Variants in FAM53B observed in about 807,000 individuals in gnomAD.
FAM53B encodes family with sequence similarity 53 member B.
A neutral mutation model predicts 32.7 loss-of-function variants in FAM53B; 12 were observed. The ratio of observed to expected loss-of-function variants is 0.37; its 90% confidence interval spans 0.24 to 0.59. FAM53B has a LOEUF of 0.59. FAM53B is among the 20% of genes least tolerant of loss of function. The probability of loss-of-function intolerance (pLI) is 0.72; values close to 1 mark genes in which losing one functional copy is unlikely to be tolerated. For synonymous variants in FAM53B, 234 were observed against 228.7 expected (o/e 1.02, Z -0.21); for missense variants, 477 against 577.7 (o/e 0.83, Z 1.79).
At chr10:124,743,356 T>G (rs1950211278) in intron 1 of FAM53B, among the ~76,000 whole-genome samples, 1 of 152,180 alleles carries the variant, frequency 6.6e-6, no homozygotes, top group Non-Finnish European at 1.5e-5. Context: ...TCTCGCCATG[T>G]GCAAAAGCCA....
intron 2 of FAM53B, among the ~76,000 whole-genome samples, chr10:124,700,341 A>C (rs1393222080): frequency 6.6e-6 from 1 of 152,220 alleles, no homozygotes; most frequent in Non-Finnish European, 1.5e-5. Flanking sequence ...CACAGTGGGA[A>C]GAATGAGCCA....
chr10:124,631,645 A>G (rs1949391913), intron 4 of FAM53B, among the ~76,000 whole-genome samples: 1 of 152,140 alleles, frequency 6.6e-6, no homozygotes, highest in African/African-American at 2.4e-5. Flanking sequence ...GCCTTTCCCA[A>G]GGCCCCTCTT....
intron 2 of FAM53B, among the ~76,000 whole-genome samples, chr10:124,697,858 T>A (rs1949884712): frequency 6.6e-6 from 1 of 152,020 alleles, no homozygotes; most frequent in South Asian, 2.1e-4. Context: ...GATGTAACCA[T>A]CCCCTCTACC....
intron 4 of FAM53B, among the ~76,000 whole-genome samples, chr10:124,626,429 C>T (rs1338243237): frequency 3.1e-5 from 4 of 128,838 alleles, no homozygotes; most frequent in African/African-American, 8.3e-5. Flanking sequence ...AAAGGTGGGG[C>T]CTCTGGGAGG....
Position 124,682,306 on chromosome 10 carries a change from T to C in FAM53B, c.207A>G (p.Glu69=), listed in dbSNP as rs1315153084. The change falls in exon 4 of 5, where the codon GAA becomes GAG. Residue 69 remains glutamate, a synonymous_variant. Coordinates refer to ENST00000337318, the MANE Select transcript of FAM53B (RefSeq NM_014661.4). The surrounding 1 kb of genome is among the most constrained non-coding windows in gnomAD (Gnocchi z 5.2). ...GTGAGCTGTCCTTTTCAGGCAGGCA[T>C]TCCCAGATGCTGGTGCTCGGTTGGT... ...QIDQPSTSIW[E]CLPEKDSSLW... The C allele has an allele frequency of 9.9e-6, 16 of 1,613,806 alleles. No homozygotes were observed. The highest frequency in any genetic ancestry group is 1.3e-5 in the African/African-American group (1 of 74,890).
intron 1 of FAM53B, among the ~76,000 whole-genome samples, chr10:124,715,971 C>T (rs1042026898): frequency 6.6e-6 from 1 of 152,222 alleles, no homozygotes; most frequent in Non-Finnish European, 1.5e-5. Flanking sequence ...TTCACAGCTA[C>T]AGCATTAGCT....
intron 4 of FAM53B, among the ~76,000 whole-genome samples, chr10:124,657,167 TATATATGTAC>T (rs1310543527): frequency 0.037 from 1,002 of 26,780 alleles, 5 homozygotes; most frequent in East Asian, 0.12. Flanking sequence ...TGTGTGTATA[TATATATGTAC>T]ATATATATAT....
intron 4 of FAM53B, among the ~76,000 whole-genome samples, chr10:124,637,416 C>T (rs942820722): frequency 3.3e-5 from 5 of 152,198 alleles, no homozygotes; most frequent in Admixed American, 6.5e-5. Flanking sequence ...GCTTGAGCCC[C>T]GGGTGTCCCT....
At chr10:124,699,556 C>T (rs1949899947) in intron 2 of FAM53B, among the ~76,000 whole-genome samples, 2 of 152,238 alleles carry the variant, frequency 1.3e-5, no homozygotes, top group African/African-American at 4.8e-5. Flanking sequence ...CTCCATTTCC[C>T]CACCCCGGGC....
rs934972708 is a variant in FAM53B, at chr10:124,731,580, T to TC, written c.-175+12432_-175+12433insG. 4.8e-4 allele frequency among the ~76,000 whole-genome samples: 73 copies of TC among 151,690 alleles called. 1 individual carries two copies. The highest frequency in any genetic ancestry group is 1.5e-3 in the Admixed American group (23 of 15,250). On this transcript the variant is annotated intron_variant, in intron 1 of 4. Transcript: ENST00000337318. Reference sequence around the variant, plus strand: ...TATTAAGACACACAAAATCAACCTTTTTTTTTTTTTTAAGGAATCTAAGAC... The same window carrying TC: ...TATTAAGACACACAAAATCAACCTTTCTTTTTTTTTTTAAGGAATCTAAGAC...
At chr10:124,676,359 T>C (rs1275758670) in intron 4 of FAM53B, among the ~76,000 whole-genome samples, 1 of 152,060 alleles carries the variant, frequency 6.6e-6, no homozygotes, top group East Asian at 1.9e-4. Context: ...AGAGGAAGGG[T>C]GCTGAGGGTG....
intron 4 of FAM53B, among the ~76,000 whole-genome samples, chr10:124,632,079 G>A (rs139178636): frequency 1.3e-5 from 2 of 152,332 alleles, no homozygotes; most frequent in East Asian, 3.9e-4. Flanking sequence ...CCGTGGGTAA[G>A]AACAGACCTT....
intron 4 of FAM53B, among the ~76,000 whole-genome samples, chr10:124,655,833 A>G (rs1949586108): frequency 6.6e-6 from 1 of 152,134 alleles, no homozygotes; most frequent in Non-Finnish European, 1.5e-5. Context: ...ACTTTGTCCA[A>G]CACAATCTGC....
chr10:124,628,184 G>A lies in FAM53B; in HGVS notation c.907-4580C>T, dbSNP rs202177102. Among the ~76,000 whole-genome samples the A allele has an allele frequency of 4.6e-5, 7 of 152,294 alleles. No individual in the cohort carries two copies. In the East Asian group the frequency reaches 1.4e-3, roughly 29 times the overall value. On this transcript the variant is annotated intron_variant, in intron 4 of 4. Coordinates refer to ENST00000337318, the MANE Select transcript of FAM53B (RefSeq NM_014661.4). ...TCAGTAGTGACCCAGAACCCACTCT[G>A]GGCTCCGAAGGGCAAGGCCTGGGGA...
chr10:124,674,396 A>G (rs1949725055), intron 4 of FAM53B, among the ~76,000 whole-genome samples: 1 of 152,194 alleles, frequency 6.6e-6, no homozygotes, highest in African/African-American at 2.4e-5. Flanking sequence ...CATACAAATG[A>G]ATTCATTTAA....
At position 124,619,855 on chromosome 10, in the gene FAM53B, TA is replaced by T; in HGVS notation, c.*3386del. The T allele has an allele frequency of 6.6e-6, 1 of 152,396 alleles. No individual in the cohort carries two copies. Among genetic ancestry groups the T allele is most frequent in the South Asian group, 2.1e-4 (1 of 4,814 alleles). 9.4% of individuals were successfully genotyped at this position (152,396 alleles called of 1,614,324 possible). The stretch of plus-strand genomic sequence containing the variant: ...ACCGTCATTCCAGTGACCACCCCCA[TA>T]GCCACAGACGGCACGTCAGTGGAAA... On this transcript the variant is annotated 3_prime_UTR_variant, in exon 5 of 5. Transcript: ENST00000337318.
chr10:124,689,616 A>C (rs1467980821), intron 3 of FAM53B, among the ~76,000 whole-genome samples: 1 of 152,234 alleles, frequency 6.6e-6, no homozygotes, highest in African/African-American at 2.4e-5. Context: ...CCAAGGAAGA[A>C]GGCAGGCGGG....
rs566451537 is a variant in FAM53B at position 124,638,112 on chromosome 10, G to A, written c.907-14508C>T. Among the ~76,000 whole-genome samples, 19 of 152,332 alleles carry A rather than the reference G, an allele frequency of 1.2e-4. No individual in the cohort carries two copies. In the South Asian group the frequency reaches 3.9e-3, roughly 32 times the overall value. ...GGGCCTGGCGCCATGGCTCACACCT[G>A]TAATCCCAGGACTTTGGGAAGCTGA... On this transcript the variant is annotated intron_variant, in intron 4 of 4. Coordinates refer to ENST00000337318, the MANE Select transcript of FAM53B (RefSeq NM_014661.4).
Position 124,651,536 on chromosome 10 carries a change from A to G in FAM53B, c.907-27932T>C, listed in dbSNP as rs893027315. 1.3e-5 allele frequency among the ~76,000 whole-genome samples: 2 copies of G among 152,084 alleles called. No homozygotes were observed. Among genetic ancestry groups the G allele is most frequent in the African/African-American group, 2.4e-5 (1 of 41,410 alleles). On this transcript the variant is annotated intron_variant, in intron 4 of 4. Coordinates refer to ENST00000337318, the MANE Select transcript of FAM53B (RefSeq NM_014661.4). The surrounding 1 kb of genome is among the most constrained non-coding windows in gnomAD (Gnocchi z 5.2). ...AGCCCAGCCGCTGGACGGAATCACA[A>G]TCCCACACACGGCACCAGGGACCTG...
Sources: allele counts gnomAD v4.1 joint callset (sites outside exome capture counted in the v4.1 genomes callset), GRCh38; gene constraint gnomAD v4.1.1; non-coding constraint Gnocchi (gnomAD v3.1); transcripts MANE v1.5; gene names NCBI Gene and HGNC (gene_info 2026-07-23, HGNC 2026-07-21).